FOXP2: variants seen among roughly 807,000 people sequenced by gnomAD.
FOXP2 encodes the protein forkhead box P2, also known as forkhead box protein P2.
FOXP2 carries 12 observed loss-of-function variants against 115.8 expected under a neutral mutation model. The ratio of observed to expected loss-of-function variants is 0.10; its 90% CI spans 0.07 to 0.17. The LOEUF (loss-of-function observed/expected upper bound fraction) is 0.17, where lower values mean the gene tolerates loss of function less well. FOXP2 is among the 10% of genes least tolerant of loss of function. The pLI, the probability that FOXP2 is intolerant of heterozygous loss-of-function variation, is 1.00. For synonymous variants in FOXP2, 328 were observed against 297.7 expected, an observed-to-expected ratio of 1.10 and a Z score of -1.05; for missense variants, 629 against 843.5, an observed-to-expected ratio of 0.75 and a Z score of 3.15.
At chr7:114,475,837 A>G (rs538837094) in intron 2 of FOXP2, among the ~76,000 whole-genome samples, 3 of 152,022 alleles carry the variant, frequency 2.0e-5, no homozygotes, top group Non-Finnish European at 2.9e-5. Context: ...CTATCTAAAT[A>G]GATATAGATA....
At chr7:114,122,806 A>G (rs1791601846) in intron 1 of FOXP2, among the ~76,000 whole-genome samples, 1 of 152,086 alleles carries the variant, frequency 6.6e-6, no homozygotes, top group Non-Finnish European at 1.5e-5. Flanking sequence ...TTGAATACAC[A>G]TAATTTTTAA....
At chr7:114,663,224 C>T (rs1433620926) in intron 14 of FOXP2, among the ~76,000 whole-genome samples, 1 of 152,060 alleles carries the variant, frequency 6.6e-6, no homozygotes. Flanking sequence ...TTTGCCTGCA[C>T]ACCATAGTCT....
At chr7:114,103,319 C>T (rs1467063600) in intron 1 of FOXP2, among the ~76,000 whole-genome samples, 4 of 152,084 alleles carry the variant, frequency 2.6e-5, no homozygotes, top group African/African-American at 9.7e-5. Context: ...CACCAGGGCT[C>T]TCAAGCAGCC....
intron 2 of FOXP2, among the ~76,000 whole-genome samples, chr7:114,525,904 G>A (rs1213322708): frequency 6.6e-6 from 1 of 151,932 alleles, no homozygotes; most frequent in Non-Finnish European, 1.5e-5. Context: ...TTGAGGTCAG[G>A]AGTTTCAGAC....
chr7:114,148,187 T>G (rs1792429714), intron 1 of FOXP2, among the ~76,000 whole-genome samples: 2 of 152,186 alleles, frequency 1.3e-5, no homozygotes, highest in Non-Finnish European at 2.9e-5. Context: ...GGGGGAAGAA[T>G]CTCATCAGAA....
rs756019068 is a variant in FOXP2 at position 114,658,136 on chromosome 7, C to A, written c.1337C>A (p.Thr446Asn). Residue 446 changes from threonine to asparagine, a missense_variant, in exon 11 of 17, where the codon ACC (threonine) becomes AAC (asparagine). Transcript: ENST00000350908. The part of the protein sequence containing the change: ...LETSPQSLPQ[T>N]PTTPTAPVTP... The stretch of plus-strand genomic sequence containing the variant: ...ACATCCCCACAGAGCTTACCTCAAA[C>A]CCCTACCACACCAACGGCCCCAGTC... 2.5e-6 allele frequency: 4 copies of A among 1,613,968 alleles called. No homozygotes were observed.
intron 16 of FOXP2, among the ~76,000 whole-genome samples, chr7:114,686,275 T>A (rs1808361862): frequency 6.6e-6 from 1 of 151,800 alleles, no homozygotes; most frequent in Non-Finnish European, 1.5e-5. Context: ...CAGGTTCAGG[T>A]GATTTTCCCA....
chr7:114,199,532 A>C (rs1179456678), intron 1 of FOXP2, among the ~76,000 whole-genome samples: 1 of 152,226 alleles, frequency 6.6e-6, no homozygotes, highest in Admixed American at 6.5e-5. Flanking sequence ...AGAGAAGTGC[A>C]TGTAGAGCAC....
chr7:114,602,779 T>G (rs1006538811), intron 3 of FOXP2, among the ~76,000 whole-genome samples: 1 of 152,164 alleles, frequency 6.6e-6, no homozygotes, highest in Non-Finnish European at 1.5e-5. Flanking sequence ...TGCATTTATT[T>G]TACCTATTTT....
In FOXP2 at chr7:114,692,150, G is replaced by C. The variant is rs987215389; in HGVS notation, c.*2224G>C. On this transcript the variant is annotated 3_prime_UTR_variant, in exon 17 of 17. Coordinates refer to ENST00000350908, the MANE Select transcript of FOXP2 (RefSeq NM_014491.4). ...ATCCTACTGTAAGGATTATCTGAAAGGAAAAATGGGTCTTTCAGGTGCATG... is the reference window on the plus strand; with the variant it reads ...ATCCTACTGTAAGGATTATCTGAAACGAAAAATGGGTCTTTCAGGTGCATG... 4.0e-5 allele frequency: 18 copies of C among 453,768 alleles called. No homozygotes were observed. The highest frequency in any genetic ancestry group is 7.5e-5 in the Non-Finnish European group (17 of 226,722). The allele number at this position is 453,768 out of a possible 1,614,324, so 28.1% of individuals were successfully genotyped here.
chr7:114,160,960 G>T (rs1792813214), upstream of FOXP2, among the ~76,000 whole-genome samples: 1 of 152,106 alleles, frequency 6.6e-6, no homozygotes, highest in Admixed American at 6.6e-5. Flanking sequence ...CATACGTATT[G>T]TTCTAAATGA....
chr7:114,446,970 G>A (rs1029718490), intron 2 of FOXP2, among the ~76,000 whole-genome samples: 1 of 151,662 alleles, frequency 6.6e-6, no homozygotes. Context: ...GGCTGATCTC[G>A]AACTCCTGGC....
intron 2 of FOXP2, among the ~76,000 whole-genome samples, chr7:114,370,355 C>T (rs901010483): frequency 2.6e-5 from 4 of 152,178 alleles, no homozygotes; most frequent in Non-Finnish European, 5.9e-5. Context: ...GAGTCGTGCC[C>T]CAATGGCTTT....
In FOXP2 at chr7:114,693,383, G is replaced by T. The variant is rs190599917; in HGVS notation, c.*3457G>T. On this transcript the variant is annotated 3_prime_UTR_variant, in exon 17 of 17. Coordinates refer to ENST00000350908, the MANE Select transcript of FOXP2 (RefSeq NM_014491.4). ...TCCTGGACTTTAATGTCCCTGGGCA[G>T]ATTCAGTCGCAAAATCCAATATGAT... 1 of 453,804 alleles carries T rather than the reference G, an allele frequency of 2.2e-6. No homozygotes were observed. Among genetic ancestry groups the T allele is most frequent in the Admixed American group, 2.3e-5 (1 of 42,560 alleles). 28.1% of individuals were successfully genotyped at this position (453,804 alleles called of 1,614,324 possible).
chr7:114,667,461 C>T (rs372640207), intron 16 of FOXP2: 1 of 151,928 alleles, frequency 6.6e-6, no homozygotes, highest in Non-Finnish European at 1.5e-5. Context: ...CAATATGACA[C>T]AAGGACTTAT....
At chr7:114,303,460 G>T (rs1024477879) in intron 2 of FOXP2, among the ~76,000 whole-genome samples, 2 of 152,166 alleles carry the variant, frequency 1.3e-5, no homozygotes, top group African/African-American at 4.8e-5. Flanking sequence ...TAGAAGGCTT[G>T]TTTGACCAAA....
At chr7:114,223,406 T>A (rs1207044444) in intron 1 of FOXP2, among the ~76,000 whole-genome samples, 2 of 150,866 alleles carry the variant, frequency 1.3e-5, no homozygotes, top group Non-Finnish European at 3.0e-5. Context: ...TATTCATGTT[T>A]TTTTTGTCGC....
chr7:114,362,420 C>CA (rs1057150410), intron 2 of FOXP2, among the ~76,000 whole-genome samples: 14 of 151,476 alleles, frequency 9.2e-5, no homozygotes, highest in African/African-American at 3.2e-4. Context: ...AAACAAAAAG[C>CA]AAAAAACAAA....
At chr7:114,378,693 A>AAAAAAAAAAAAAAAAAAAAAAG (rs1792201656) in intron 2 of FOXP2, among the ~76,000 whole-genome samples, 1 of 146,128 alleles carries the variant, frequency 6.8e-6, no homozygotes, top group Non-Finnish European at 1.5e-5. Context: ...CCAAAAAAAA[A>AAAAAAAAAAAAAAAAAAAAAAG]AAAAAAAAGG....
Sources: gnomAD v4.1 joint callset for allele counts (sites outside exome capture counted in the v4.1 genomes callset) on GRCh38, gnomAD v4.1.1 for gene constraint, MANE v1.5 for transcripts, NCBI Gene and HGNC (gene_info 2026-07-23, HGNC 2026-07-21) for gene names.